Variants in TIAM2 observed in about 807,000 individuals in gnomAD.
TIAM2 encodes TIAM Rac1 associated GEF 2.
TIAM2 carries 80 observed loss-of-function variants against 152.9 expected under a neutral mutation model. The observed-to-expected ratio is 0.52, with a 90% CI of 0.44 to 0.63. The LOEUF (loss-of-function observed/expected upper bound fraction) is 0.63, where lower values mean the gene tolerates loss of function less well. Among genes scored for constraint, TIAM2 ranks in the 30% least tolerant of loss-of-function variants. TIAM2 has a pLI of 0.00. For synonymous variants in TIAM2, 804 were observed against 838.0 expected (o/e 0.96, Z 0.70); for missense variants, 1,965 against 2,120.1 (o/e 0.93, Z 1.44).
In TIAM2 at chr6:155,228,955, C is replaced by G. The variant is rs57323319; in HGVS notation, c.3169-11575C>G. Among the ~76,000 whole-genome samples the G allele has an allele frequency of 5.4e-3, 821 of 152,308 alleles. 7 individuals are homozygous for G. The highest frequency in any genetic ancestry group is 0.018 in the African/African-American group (763 of 41,548). On this transcript the variant is annotated intron_variant, in intron 15 of 26. Transcript: ENST00000682666. ...CTCTGACCTGCCTTCCTGGGCATGCCCCCTAGGCACTCAGGATTTGCCACT... is the reference window on the plus strand; with the variant it reads ...CTCTGACCTGCCTTCCTGGGCATGCGCCCTAGGCACTCAGGATTTGCCACT...
chr6:155,207,288 A>T (rs1308721528), intron 14 of TIAM2, among the ~76,000 whole-genome samples: 2 of 152,200 alleles, frequency 1.3e-5, no homozygotes, highest in Non-Finnish European at 2.9e-5. Flanking sequence ...TGTCTCTTCT[A>T]TAAAGAGCAC....
At chr6:155,245,841 T>A in intron 19 of TIAM2, 110 bp downstream of exon 19, 1 of 723,008 alleles carries the variant, frequency 1.4e-6, no homozygotes, top group Non-Finnish European at 2.2e-6. Context: ...TTTGATGTAT[T>A]AAGGTCCATC....
chr6:155,217,704 C>T (rs963334413), intron 15 of TIAM2, among the ~76,000 whole-genome samples: 5 of 152,128 alleles, frequency 3.3e-5, no homozygotes, highest in African/African-American at 1.2e-4. Flanking sequence ...CGTTTGTAGG[C>T]GTTGTGTTGA....
intron 7 of TIAM2, among the ~76,000 whole-genome samples, chr6:155,157,062 A>T (rs1205293971): frequency 1.3e-5 from 2 of 152,166 alleles, no homozygotes; most frequent in African/African-American, 4.8e-5. Context: ...GCTATAAAAT[A>T]CGTGCTCCTG....
chr6:155,026,327 C>T (rs761948297), intron 1 of TIAM2, among the ~76,000 whole-genome samples: 16 of 152,168 alleles, frequency 1.1e-4, no homozygotes, highest in Non-Finnish European at 1.9e-4. Flanking sequence ...ATGATCTTGG[C>T]GTTCTTTCTG....
intron 2 of TIAM2, among the ~76,000 whole-genome samples, chr6:155,118,356 G>C (rs2115018863): frequency 6.6e-6 from 1 of 151,994 alleles, no homozygotes; most frequent in East Asian, 1.9e-4. Context: ...CCGTGTCTTT[G>C]AACAAGCCAT....
intron 5 of TIAM2, among the ~76,000 whole-genome samples, chr6:155,141,684 G>A (rs898217986): frequency 1.3e-5 from 2 of 152,150 alleles, no homozygotes; most frequent in Non-Finnish European, 2.9e-5. Context: ...AGTTGGCAAG[G>A]TCATTAAACA....
chr6:155,161,630 C>A (rs200378859), intron 7 of TIAM2, among the ~76,000 whole-genome samples: 1 of 148,922 alleles, frequency 6.7e-6, no homozygotes, highest in Non-Finnish European at 1.5e-5. Context: ...TGCAGTGGTG[C>A]GATCTCAGCT....
intron 1 of TIAM2, among the ~76,000 whole-genome samples, chr6:155,019,224 C>G (rs1776413543): frequency 6.6e-6 from 1 of 151,860 alleles, no homozygotes; most frequent in African/African-American, 2.4e-5. Context: ...ATCCCAGCTA[C>G]TCGAGAGGCT....
chr6:155,068,070 C>T (rs1777744173), intron 1 of TIAM2, among the ~76,000 whole-genome samples: 1 of 152,190 alleles, frequency 6.6e-6, no homozygotes, highest in Non-Finnish European at 1.5e-5. Context: ...AGCAGTGTAA[C>T]ATCTTAGTAT....
intron 15 of TIAM2, among the ~76,000 whole-genome samples, chr6:155,223,574 G>GA (rs1782135248): frequency 6.7e-6 from 1 of 148,774 alleles, no homozygotes. Flanking sequence ...GCAAACCCAG[G>GA]TTGTTAAACA....
chr6:155,230,984 C>T (rs1782449761), intron 15 of TIAM2, among the ~76,000 whole-genome samples: 1 of 146,710 alleles, frequency 6.8e-6, no homozygotes, highest in Non-Finnish European at 1.5e-5. Context: ...AGGTGTGTGC[C>T]ACCAAGCCTG....
intron 1 of TIAM2, among the ~76,000 whole-genome samples, chr6:155,062,764 G>A (rs1318850214): frequency 2.0e-5 from 3 of 151,676 alleles, no homozygotes; most frequent in Non-Finnish European, 2.9e-5. Flanking sequence ...TAGTTGAGAC[G>A]GGGTTTCACC....
At position 154,996,902 on chromosome 6, in the gene TIAM2, A is replaced by G. The variant is rs550709619; in HGVS notation, c.-209+1410A>G. ...AGAGGTTTTTGTGTTGGGTAAATGTAAAAGAACATGGCAAGGTATAACTGA... is the reference window on the plus strand; with the variant it reads ...AGAGGTTTTTGTGTTGGGTAAATGTGAAAGAACATGGCAAGGTATAACTGA... On this transcript the variant is annotated intron_variant, in intron 1 of 26. Transcript: ENST00000682666. Among the ~76,000 whole-genome samples, 3 of 152,330 alleles carry G rather than the reference A, an allele frequency of 2.0e-5. No individual in the cohort carries two copies. In the South Asian group the frequency reaches 6.2e-4, roughly 32 times the overall value.
Position 155,257,333 on chromosome 6 carries a change from C to CTTAGT in TIAM2, c.*216_*220dup, listed in dbSNP as rs1562381027. 1 of 575,932 alleles carries CTTAGT rather than the reference C, an allele frequency of 1.7e-6. No individual in the cohort carries two copies. Among genetic ancestry groups the CTTAGT allele is most frequent in the East Asian group, 3.1e-5 (1 of 31,796 alleles). 35.7% of individuals were successfully genotyped at this position (575,932 alleles called of 1,614,324 possible). The stretch of plus-strand genomic sequence containing the variant: ...GAAACTGGTCAGAATCTGTAAATTA[C>CTTAGT]TTAGTTTATATCCACTTTGAGCAGG... On this transcript the variant is annotated 3_prime_UTR_variant, in exon 27 of 27. Coordinates refer to ENST00000682666, the MANE Select transcript of TIAM2 (RefSeq NM_012454.4).
chr6:155,185,117 A>G (rs906197035), intron 14 of TIAM2, among the ~76,000 whole-genome samples: 3 of 132,724 alleles, frequency 2.3e-5, no homozygotes, highest in African/African-American at 8.7e-5. Context: ...AAAGGGGCAA[A>G]TTTACCTTTT....
At chr6:155,018,173 G>A (rs961307998) in intron 1 of TIAM2, among the ~76,000 whole-genome samples, 1 of 151,728 alleles carries the variant, frequency 6.6e-6, no homozygotes, top group African/African-American at 2.4e-5. Flanking sequence ...ATGAGTTCAA[G>A]GCTATAGTGA....
At chr6:155,070,208 AC>A (rs1433912244) in intron 1 of TIAM2, among the ~76,000 whole-genome samples, 48 of 79,352 alleles carry the variant, frequency 6.0e-4, no homozygotes, top group South Asian at 1.2e-3. Flanking sequence ...GCCTGGCCAG[AC>A]TTTTTTTTTT....
Position 154,995,627 on chromosome 6 carries a change from C to T in TIAM2, c.-209+135C>T, listed in dbSNP as rs537142463. The T allele has an allele frequency of 5.9e-5, 9 of 152,200 alleles. No homozygotes were observed. In the South Asian group the frequency reaches 1.9e-3, roughly 32 times the overall value. 9.4% of individuals were successfully genotyped at this position (152,200 alleles called of 1,614,324 possible). ...CCCCTTTGTTGGCCGCCCCTCTCTG[C>T]CCCCGCTTTCCTGGGAGTCCCGCGG... On this transcript the variant is annotated intron_variant, in intron 1 of 26. Transcript: ENST00000682666. This position sits in a 1 kb window ranked among gnomAD's most constrained non-coding sequence, Gnocchi z 5.2.
Sources: allele counts gnomAD v4.1 joint callset (sites outside exome capture counted in the v4.1 genomes callset), GRCh38; gene constraint gnomAD v4.1.1; non-coding constraint Gnocchi (gnomAD v3.1); transcripts MANE v1.5; gene names NCBI Gene and HGNC (gene_info 2026-07-23, HGNC 2026-07-21).